The following ANXA7 variants were observed in gnomAD, a reference collection of about 807,000 sequenced individuals.
The protein encoded by ANXA7 is annexin A7, also known as annexin VII.
Under a neutral mutation model 64.9 loss-of-function variants are expected in ANXA7, and 55 were observed. That is an observed-to-expected ratio of 0.85 (90% CI 0.68 to 1.06). The LOEUF (loss-of-function observed/expected upper bound fraction) is 1.06, where lower values mean the gene tolerates loss of function less well. Among genes scored for constraint, ANXA7 ranks in the 50% least tolerant of loss-of-function variants. ANXA7 has a pLI of 0.00. For missense variants in ANXA7, 548 were observed against 582.1 expected (o/e 0.94, Z 0.60); for synonymous variants, 200 against 192.4 (o/e 1.04, Z -0.33).
intron 5 of ANXA7, among the ~76,000 whole-genome samples, chr10:73,394,446 G>A (rs1351872687): frequency 6.6e-6 from 1 of 152,176 alleles, no homozygotes; most frequent in Admixed American, 6.6e-5. Context: ...CAATAGCAAA[G>A]ACTTGGAACC....
chr10:73,376,954 G>GA (rs1159798706), intron 12 of ANXA7, among the ~76,000 whole-genome samples: 2 of 152,190 alleles, frequency 1.3e-5, no homozygotes, highest in Non-Finnish European at 2.9e-5. Context: ...GACGTACCTA[G>GA]AGTAGTCAAA....
Position 73,398,246 on chromosome 10 carries a change from C to A in ANXA7, c.194G>T (p.Gly65Val). The change falls in exon 3 of 13, where the codon GGT (glycine) becomes GTT (valine). Residue 65 changes from glycine (G) to valine (V), a missense_variant. By Grantham distance (109) the Gly-to-Val change is moderately radical. Coordinates refer to ENST00000372921, the MANE Select transcript of ANXA7 (RefSeq NM_001156.5). ...AGGATAGCCTCCAGGGGCTGGATAACCTCCAGGCGCAGGGTAGCCTCCAGC... is the reference window on the plus strand; with the variant it reads ...AGGATAGCCTCCAGGGGCTGGATAAACTCCAGGCGCAGGGTAGCCTCCAGC... Reference protein sequence around the residue: ...PGAGGYPAPGGYPAPGGYPGA... With the variant: ...PGAGGYPAPGVYPAPGGYPGA... 2 of 1,614,052 alleles carry A rather than the reference C, an allele frequency of 1.2e-6. No homozygotes were observed. Among genetic ancestry groups the A allele is most frequent in the East Asian group, 4.5e-5 (2 of 44,876 alleles).
intron 5 of ANXA7, among the ~76,000 whole-genome samples, chr10:73,390,721 A>ATATATATATATATAT (rs1564526498): frequency 3.7e-5 from 4 of 107,742 alleles, no homozygotes; most frequent in African/African-American, 1.6e-4. Context: ...TATATATATA[A>ATATATATATATATAT]AAATATATAT....
chr10:73,395,974 C>T (rs574638555), intron 5 of ANXA7: 1 of 950,086 alleles, frequency 1.1e-6, no homozygotes, highest in East Asian at 2.4e-5. Flanking sequence ...GAGACAAGTA[C>T]ATGAGAATCA....
Position 73,381,637 on chromosome 10 carries a change from G to GTTAC in ANXA7, c.919-1440_919-1437dup, listed in dbSNP as rs539650711. 31 of 152,350 alleles carry GTTAC rather than the reference G, an allele frequency of 2.0e-4. No homozygotes were observed. The East Asian group carries it at 5.4e-3, about 27-fold the overall frequency. The allele number at this position is 152,350 out of a possible 1,614,324, so 9.4% of individuals were successfully genotyped here. ...GGATTCACACACACTTTCTCAGGAA[G>GTTAC]TTACTCCTCTACTCATGCCCTGGAA... On this transcript the variant is annotated intron_variant, in intron 9 of 12. Coordinates refer to ENST00000372921, the MANE Select transcript of ANXA7 (RefSeq NM_001156.5).
chr10:73,410,011 T>C (rs1429688287), intron 1 of ANXA7, among the ~76,000 whole-genome samples: 1 of 152,006 alleles, frequency 6.6e-6, no homozygotes, highest in Non-Finnish European at 1.5e-5. Context: ...AAAAATCAAC[T>C]CAAGTTGATA....
At chr10:73,400,659 C>G in intron 2 of ANXA7, 144 bp downstream of exon 2, 1 of 516,094 alleles carries the variant, frequency 1.9e-6, no homozygotes, top group Non-Finnish European at 3.2e-6. Flanking sequence ...GTCCCCCACA[C>G]AATTGCCTTT....
chr10:73,401,269 C>CACACACA (rs2055661144), intron 1 of ANXA7, among the ~76,000 whole-genome samples: 1 of 148,846 alleles, frequency 6.7e-6, no homozygotes. Context: ...ACACAACACA[C>CACACACA]ACACACACAC....
rs371717864 is a variant in ANXA7, at chr10:73,403,513, C to CA, written c.-1-2657dup. Reference sequence around the variant, plus strand: ...TTAAAAAAAAACAAAACAACAACAACAAAAAACCACATAGTACTTCAGTGT... The same window carrying CA: ...TTAAAAAAAAACAAAACAACAACAACAAAAAAACCACATAGTACTTCAGTGT... On this transcript the variant is annotated intron_variant, in intron 1 of 12. Coordinates refer to ENST00000372921, the MANE Select transcript of ANXA7 (RefSeq NM_001156.5). Among the ~76,000 whole-genome samples, 238 of 152,112 alleles carry CA rather than the reference C, an allele frequency of 1.6e-3. 7 individuals are homozygous for CA. The highest frequency in any genetic ancestry group is 5.0e-3 in the African/African-American group (207 of 41,524).
In ANXA7 at chr10:73,379,914, A is replaced by C. The variant is rs759693812; in HGVS notation, c.1130T>G (p.Phe377Cys). The stretch of plus-strand genomic sequence containing the variant: ...CAAACCACTTTCTACATATCCGGAA[A>C]ACTCACGGCTCACACTGCTTAACAA... The part of the protein sequence containing the change: ...RDLLSSVSRE[F>C]SGYVESGLKT... The change falls in exon 11 of 13, where the codon TTT (phenylalanine) becomes TGT (cysteine). Residue 377 changes from phenylalanine to cysteine, a missense_variant. By Grantham distance (205) the Phe-to-Cys change is radical. Coordinates refer to ENST00000372921, the MANE Select transcript of ANXA7 (RefSeq NM_001156.5). The C allele has an allele frequency of 1.2e-6, 2 of 1,614,200 alleles. No homozygotes were observed. Among genetic ancestry groups the C allele is most frequent in the South Asian group, 2.2e-5 (2 of 91,086 alleles).
chr10:73,388,188 G>A, intron 6 of ANXA7, 124 bp downstream of exon 6: 1 of 690,224 alleles, frequency 1.4e-6, no homozygotes. Flanking sequence ...CTAGACATCA[G>A]ATTAAATCCA....
At chr10:73,382,971 AT>A (rs1342327130) in intron 9 of ANXA7, among the ~76,000 whole-genome samples, 2 of 152,198 alleles carry the variant, frequency 1.3e-5, no homozygotes. Context: ...TAAATCTCTA[AT>A]TCCTTACAAA....
chr10:73,387,516 A>T (rs902265556), intron 7 of ANXA7, among the ~76,000 whole-genome samples, 173 bp downstream of exon 7: 3 of 123,942 alleles, frequency 2.4e-5, no homozygotes, highest in African/African-American at 3.8e-5. Flanking sequence ...CTTCATCTCA[A>T]AACAAAACAA....
At position 73,375,862 on chromosome 10, in the gene ANXA7, A is replaced by G. The variant is rs2055160759; in HGVS notation, c.*233T>C. The G allele has an allele frequency of 3.3e-6, 1 of 302,740 alleles. No homozygotes were observed. The highest frequency in any genetic ancestry group is 6.0e-6 in the Non-Finnish European group (1 of 166,586). 18.8% of individuals were successfully genotyped at this position (302,740 alleles called of 1,614,324 possible). On this transcript the variant is annotated 3_prime_UTR_variant, in exon 13 of 13. Transcript: ENST00000372921. ...AAGAATGAAGGTTTACAAACATTGC[A>G]ATATTACTGTATCATTGTGATATGG...
At chr10:73,388,265 C>T (rs2132665764) in intron 6 of ANXA7, 47 bp downstream of exon 6, 1 of 1,385,014 alleles carries the variant, frequency 7.2e-7, no homozygotes, top group Non-Finnish European at 1.0e-6. Context: ...TACTTTAGAA[C>T]TGATTACTTT....
At chr10:73,401,506 C>CCT (rs1554818213) in intron 1 of ANXA7, among the ~76,000 whole-genome samples, 5 of 147,836 alleles carry the variant, frequency 3.4e-5, no homozygotes, top group African/African-American at 9.9e-5. Flanking sequence ...CTTCTTTTCT[C>CCT]TTTTTTTTTT....
intron 12 of ANXA7, 46 bp from the exon 13 acceptor site, chr10:73,376,263 T>A: frequency 6.7e-7 from 1 of 1,503,068 alleles, no homozygotes; most frequent in Non-Finnish European, 8.9e-7. Flanking sequence ...CTGTGACAAC[T>A]GACATTTCTT....
chr10:73,411,132 G>A (rs1554819223), intron 1 of ANXA7, among the ~76,000 whole-genome samples: 1 of 152,130 alleles, frequency 6.6e-6, no homozygotes, highest in Non-Finnish European at 1.5e-5. Context: ...ACAAAATAAT[G>A]TCTTTTGCAG....
At chr10:73,390,002 A>C (rs2055442809) in intron 5 of ANXA7, among the ~76,000 whole-genome samples, 1 of 152,204 alleles carries the variant, frequency 6.6e-6, no homozygotes, top group Non-Finnish European at 1.5e-5. Context: ...ACTTTTTAAA[A>C]AAATTTTAAT....
Sources: allele counts gnomAD v4.1 joint callset (sites outside exome capture counted in the v4.1 genomes callset), GRCh38; gene constraint gnomAD v4.1.1; transcripts MANE v1.5; gene names NCBI Gene and HGNC (gene_info 2026-07-23, HGNC 2026-07-21).